The following EPS8 variants were observed in gnomAD, a reference collection of about 807,000 sequenced individuals.
The protein encoded by EPS8 is EGFR pathway substrate 8, signaling adaptor.
A neutral mutation model predicts 103.8 loss-of-function variants in EPS8; 42 were observed. The ratio of observed to expected loss-of-function variants is 0.40; its 90% confidence interval spans 0.32 to 0.52. EPS8 has a LOEUF of 0.52. EPS8 is among the 20% of genes least tolerant of loss of function. The pLI is 0.40. For missense variants in EPS8, 969 were observed against 1,005.1 expected (o/e 0.96, Z 0.49); for synonymous variants, 344 against 344.6 (o/e 1.00, Z 0.02).
In EPS8 at chr12:15,680,741, T is replaced by A. The variant is rs375692556; in HGVS notation, c.136+485A>T. Among the ~76,000 whole-genome samples, 5 of 152,252 alleles carry A rather than the reference T, an allele frequency of 3.3e-5. No homozygotes were observed. The East Asian group carries it at 7.7e-4, about 24-fold the overall frequency. On this transcript the variant is annotated intron_variant, in intron 3 of 20. Coordinates refer to ENST00000281172, the MANE Select transcript of EPS8 (RefSeq NM_004447.6). ...AAGTGTAAAAAATAGTATGTATATG[T>A]GAGACAATCCAGAGAGGGCACTGGA...
chr12:15,771,117 A>G lies in EPS8; in HGVS notation c.-22+18044T>C, dbSNP rs528609617. Among the ~76,000 whole-genome samples the G allele has an allele frequency of 6.6e-6, 1 of 152,362 alleles. No individual in the cohort carries two copies. The highest frequency in any genetic ancestry group is 2.1e-4 in the South Asian group (1 of 4,830). ...AAGTGGGAGAGGTACCAAAGAAGGT[A>G]GATTATTCTACAATGGCAGATAAAG... On this transcript the variant is annotated intron_variant, in intron 1 of 20. Coordinates refer to ENST00000281172, the MANE Select transcript of EPS8 (RefSeq NM_004447.6). The surrounding 1 kb of genome is among the most constrained non-coding windows in gnomAD (Gnocchi z 4.6).
At chr12:15,722,697 T>C (rs1946610157) in intron 1 of EPS8, among the ~76,000 whole-genome samples, 1 of 152,190 alleles carries the variant, frequency 6.6e-6, no homozygotes, top group African/African-American at 2.4e-5. Context: ...GCCAGCAGAT[T>C]CAGTGTCTGG....
Position 15,658,659 on chromosome 12 carries a change from C to T in EPS8, c.938-74G>A, listed in dbSNP as rs533036053. ...TTATTAAATGGAAAAACAAAAACCA[C>T]ATTTATGTCTGTAAAGTTTGAAGAT... On this transcript the variant is annotated intron_variant, in intron 10 of 20. Coordinates refer to ENST00000281172, the MANE Select transcript of EPS8 (RefSeq NM_004447.6). 126 of 968,140 alleles carry T rather than the reference C, an allele frequency of 1.3e-4. 1 individual carries two copies. The East Asian group carries it at 3.0e-3, about 23-fold the overall frequency. The allele number at this position is 968,140 out of a possible 1,614,324, so 60.0% of individuals were successfully genotyped here.
At chr12:15,743,183 T>C (rs887541637) in intron 1 of EPS8, among the ~76,000 whole-genome samples, 2 of 152,008 alleles carry the variant, frequency 1.3e-5, no homozygotes, top group African/African-American at 2.4e-5. Flanking sequence ...GAGAATAAAA[T>C]ACCTAGGAAT....
At chr12:15,667,106 C>A (rs930593363) in intron 6 of EPS8, among the ~76,000 whole-genome samples, 1 of 152,102 alleles carries the variant, frequency 6.6e-6, no homozygotes, top group Non-Finnish European at 1.5e-5. Context: ...TGGGGAGCAA[C>A]GTGAGATTAG....
Position 15,620,171 on chromosome 12 carries a change from A to C in EPS8, c.*1146T>G, listed in dbSNP as rs1944839972. The C allele has an allele frequency of 6.6e-6, 1 of 152,660 alleles. No individual in the cohort carries two copies. Among genetic ancestry groups the C allele is most frequent in the African/African-American group, 2.4e-5 (1 of 41,464 alleles). 9.5% of individuals were successfully genotyped at this position (152,660 alleles called of 1,614,324 possible). On this transcript the variant is annotated 3_prime_UTR_variant, in exon 21 of 21. Coordinates refer to ENST00000281172, the MANE Select transcript of EPS8 (RefSeq NM_004447.6). ...AGACAGAAACCATTTATTAACAGACAGCAAATACTGTTTATTGCAGACTTT... is the reference window on the plus strand; with the variant it reads ...AGACAGAAACCATTTATTAACAGACCGCAAATACTGTTTATTGCAGACTTT...
rs749458062 is a variant in EPS8 at position 15,777,217 on chromosome 12, T to C, written c.-22+11944A>G. 2.1e-4 allele frequency among the ~76,000 whole-genome samples: 32 copies of C among 152,046 alleles called. No homozygotes were observed. Among genetic ancestry groups the C allele is most frequent in the Non-Finnish European group, 3.4e-4 (23 of 68,012 alleles). On this transcript the variant is annotated intron_variant, in intron 1 of 20. Coordinates refer to ENST00000281172, the MANE Select transcript of EPS8 (RefSeq NM_004447.6). The surrounding 1 kb of genome is among the most constrained non-coding windows in gnomAD (Gnocchi z 4.7). Reference sequence around the variant, plus strand: ...ACATTATATAACTCAAGATATATTTTAATTCAAATTCTAAAATTCCCTACA... The same window carrying C: ...ACATTATATAACTCAAGATATATTTCAATTCAAATTCTAAAATTCCCTACA...
In EPS8 at chr12:15,697,779, A is replaced by G. The variant is rs1048908977; in HGVS notation, c.-21-14807T>C. Reference sequence around the variant, plus strand: ...TAATCTAGCTTTACTGATAAGTAAGAAAAAAAGGGAACTGGATTCTGAAAG... The same window carrying G: ...TAATCTAGCTTTACTGATAAGTAAGGAAAAAAGGGAACTGGATTCTGAAAG... On this transcript the variant is annotated intron_variant, in intron 1 of 20. Transcript: ENST00000281172. The surrounding 1 kb of genome is among the most constrained non-coding windows in gnomAD (Gnocchi z 5.6). Among the ~76,000 whole-genome samples the G allele has an allele frequency of 2.0e-5, 3 of 152,150 alleles. No individual in the cohort carries two copies. Among genetic ancestry groups the G allele is most frequent in the African/African-American group, 4.8e-5 (2 of 41,454 alleles).
At chr12:15,689,998 C>T (rs1946150492) in intron 1 of EPS8, among the ~76,000 whole-genome samples, 1 of 152,100 alleles carries the variant, frequency 6.6e-6, no homozygotes, top group Non-Finnish European at 1.5e-5. Context: ...AATCATAAAA[C>T]ATTACAGGTA....
At chr12:15,743,374 A>G (rs879217510) in intron 1 of EPS8, among the ~76,000 whole-genome samples, 3 of 152,256 alleles carry the variant, frequency 2.0e-5, no homozygotes, top group South Asian at 2.1e-4. Flanking sequence ...TCCCCATCAA[A>G]CTACCAATGA....
chr12:15,658,728 C>G (rs113349879), intron 10 of EPS8, 143 bp from the exon 11 acceptor site: 1 of 630,370 alleles, frequency 1.6e-6, no homozygotes, highest in Non-Finnish European at 2.9e-6. Context: ...ATCTCATAGT[C>G]TGACTGTAAC....
Position 15,781,049 on chromosome 12 carries a change from G to A in EPS8, c.-22+8112C>T, listed in dbSNP as rs951902676. ...TTGAGAAGCTTTAAATACAATGAGG[G>A]AAAGAAAGAAATAACTAGCTAATGC... On this transcript the variant is annotated intron_variant, in intron 1 of 20. Coordinates refer to ENST00000281172, the MANE Select transcript of EPS8 (RefSeq NM_004447.6). This position sits in a 1 kb window ranked among gnomAD's most constrained non-coding sequence, Gnocchi z 4.1. Among the ~76,000 whole-genome samples the A allele has an allele frequency of 2.6e-5, 4 of 152,056 alleles. No homozygotes were observed. Among genetic ancestry groups the A allele is most frequent in the African/African-American group, 9.7e-5 (4 of 41,402 alleles).
rs1375189011 is a variant in EPS8 at position 15,780,523 on chromosome 12, C to CAGGCAT, written c.-22+8637_-22+8638insATGCCT. 6.5e-6 allele frequency: 1 copy of CAGGCAT among 153,202 alleles called. No homozygotes were observed. Among genetic ancestry groups the CAGGCAT allele is most frequent in the African/African-American group, 2.4e-5 (1 of 41,196 alleles). 9.5% of individuals were successfully genotyped at this position (153,202 alleles called of 1,614,324 possible). On this transcript the variant is annotated intron_variant, in intron 1 of 20. Transcript: ENST00000281172. This position sits in a 1 kb window ranked among gnomAD's most constrained non-coding sequence, Gnocchi z 4.1. ...ACACACACACACACACACACACACACACACACAGGCATACACACTTTTCAT... is the reference window on the plus strand; with the variant it reads ...ACACACACACACACACACACACACACAGGCATACACACAGGCATACACACTTTTCAT...
At chr12:15,653,561 T>C (rs531107911) in intron 13 of EPS8, among the ~76,000 whole-genome samples, 2 of 152,296 alleles carry the variant, frequency 1.3e-5, no homozygotes, top group Admixed American at 6.5e-5. Context: ...GGACAGGCCC[T>C]TGCCCTACTA....
intron 15 of EPS8, 43 bp from the exon 16 acceptor site, chr12:15,641,873 C>A: frequency 1.8e-6 from 2 of 1,127,224 alleles, no homozygotes; most frequent in East Asian, 2.6e-5. Flanking sequence ...GCTAGCTCTT[C>A]CTAAAGGATA....
chr12:15,718,169 A>C (rs1178156218), intron 1 of EPS8, among the ~76,000 whole-genome samples: 1 of 152,124 alleles, frequency 6.6e-6, no homozygotes, highest in East Asian at 1.9e-4. Flanking sequence ...CTGCTTCCTC[A>C]CCTGTAAAAT....
chr12:15,672,714 T>C (rs576717418), intron 3 of EPS8, among the ~76,000 whole-genome samples: 1 of 152,362 alleles, frequency 6.6e-6, no homozygotes, highest in East Asian at 1.9e-4. Context: ...CCGTTATGAC[T>C]CTTGTAATAC....
chr12:15,639,190 T>C (rs1470287136), intron 17 of EPS8, among the ~76,000 whole-genome samples: 1 of 152,150 alleles, frequency 6.6e-6, no homozygotes, highest in Non-Finnish European at 1.5e-5. Context: ...ATATTAAAAT[T>C]AGTTGATATA....
rs2970183 is a variant in EPS8, at chr12:15,706,317, G to A, written c.-21-23345C>T. On this transcript the variant is annotated intron_variant, in intron 1 of 20. Coordinates refer to ENST00000281172, the MANE Select transcript of EPS8 (RefSeq NM_004447.6). This position sits in a 1 kb window ranked among gnomAD's most constrained non-coding sequence, Gnocchi z 5.2. ...GTGGAACCTGGGATTCAAAAGGCAA[G>A]GCGGGAAGCACTGCAGCATTGACAA... Among the ~76,000 whole-genome samples the A allele has an allele frequency of 0.91, 138,968 of 152,208 alleles. 64,711 individuals carry two copies. Among genetic ancestry groups the A allele is most frequent in the Non-Finnish European group, 1 (67,894 of 68,030 alleles).
Sources: gnomAD v4.1 joint callset for allele counts (sites outside exome capture counted in the v4.1 genomes callset) on GRCh38, gnomAD v4.1.1 for gene constraint, Gnocchi (gnomAD v3.1) non-coding constraint, MANE v1.5 for transcripts, NCBI Gene and HGNC (gene_info 2026-07-23, HGNC 2026-07-21) for gene names.